PIEZO2: variants seen among roughly 807,000 people sequenced by gnomAD.
PIEZO2 encodes the protein piezo type mechanosensitive ion channel component 2, also known as piezo-type mechanosensitive ion channel component 2.
Under a neutral mutation model 337.3 loss-of-function variants are expected in PIEZO2, and 172 were observed. The observed-to-expected ratio is 0.51, with a 90% CI of 0.45 to 0.58. The LOEUF (loss-of-function observed/expected upper bound fraction) is 0.58, where lower values mean the gene tolerates loss of function less well. PIEZO2 is among the 20% of genes least tolerant of loss of function. PIEZO2 has a pLI of 0.00. For missense variants in PIEZO2, 3,028 were observed against 3,391.3 expected (o/e 0.89, Z 2.66); for synonymous variants, 1,251 against 1,228.5 (o/e 1.02, Z -0.38).
rs2041653322 is a variant in PIEZO2 at position 10,854,710 on chromosome 18, T to G, written c.917+643A>C. Among the ~76,000 whole-genome samples the G allele has an allele frequency of 6.6e-6, 1 of 152,172 alleles. No homozygotes were observed. The highest frequency in any genetic ancestry group is 2.4e-5 in the African/African-American group (1 of 41,436). On this transcript the variant is annotated intron_variant, in intron 7 of 55. Transcript: ENST00000674853. The surrounding 1 kb of genome is among the most constrained non-coding windows in gnomAD (Gnocchi z 4.6). Reference sequence around the variant, plus strand: ...AGACTTATGTATTTTCTTATTTATTTGTTTGTTGGTTTGTTTGCTTTGAGA... The same window carrying G: ...AGACTTATGTATTTTCTTATTTATTGGTTTGTTGGTTTGTTTGCTTTGAGA...
At chr18:10,800,804 T>G (rs750881642) in intron 10 of PIEZO2, among the ~76,000 whole-genome samples, 2 of 152,224 alleles carry the variant, frequency 1.3e-5, no homozygotes, top group Non-Finnish European at 2.9e-5. Flanking sequence ...GTCTGATCTT[T>G]CCAGCCTCAG....
chr18:10,744,302 T>C (rs2037340340), intron 30 of PIEZO2, 71 bp from the exon 31 acceptor site: 3 of 974,396 alleles, frequency 3.1e-6, no homozygotes, highest in Non-Finnish European at 3.1e-6. Context: ...CTGAAAATTA[T>C]TACTAAGGGT....
rs113435531 is a variant in PIEZO2 at position 10,731,564 on chromosome 18, T to C, written c.4915-43A>G. On this transcript the variant is annotated intron_variant, in intron 35 of 55. Coordinates refer to ENST00000674853, the MANE Select transcript of PIEZO2 (RefSeq NM_001378183.1). Reference sequence around the variant, plus strand: ...AATTATTTTCTGGCCTTTTAATAATTTGAAATAAAAGGGACCTACACCAAG... The same window carrying C: ...AATTATTTTCTGGCCTTTTAATAATCTGAAATAAAAGGGACCTACACCAAG... 19 of 1,353,864 alleles carry C rather than the reference T, an allele frequency of 1.4e-5. No individual in the cohort carries two copies. The African/African-American group carries it at 1.5e-4, about 11-fold the overall frequency. 83.9% of individuals were successfully genotyped at this position (1,353,864 alleles called of 1,614,324 possible). A position where few individuals can be genotyped will look rare whatever the true frequency, so the allele number is the denominator to read the frequency against.
At chr18:10,990,358 A>G (rs967218187) in intron 2 of PIEZO2, among the ~76,000 whole-genome samples, 3 of 152,174 alleles carry the variant, frequency 2.0e-5, no homozygotes, top group Non-Finnish European at 4.4e-5. Context: ...GAGTAACTAA[A>G]TAAAATAAGA....
chr18:11,073,342 C>T (rs1409205383), intron 1 of PIEZO2, among the ~76,000 whole-genome samples: 1 of 152,158 alleles, frequency 6.6e-6, no homozygotes, highest in Non-Finnish European at 1.5e-5. Flanking sequence ...TATTGGGGCA[C>T]CACTGCCACA....
chr18:11,079,914 C>G (rs1209174188), intron 1 of PIEZO2, among the ~76,000 whole-genome samples: 1 of 152,156 alleles, frequency 6.6e-6, no homozygotes, highest in African/African-American at 2.4e-5. Flanking sequence ...GGGCATGGAA[C>G]GATGTTCACA....
rs1464910332 is a variant in PIEZO2 at position 10,850,427 on chromosome 18, AC to A, written c.917+4925del. Among the ~76,000 whole-genome samples the A allele has an allele frequency of 6.6e-6, 1 of 152,012 alleles. No homozygotes were observed. Among genetic ancestry groups the A allele is most frequent in the African/African-American group, 2.4e-5 (1 of 41,382 alleles). On this transcript the variant is annotated intron_variant, in intron 7 of 55. Coordinates refer to ENST00000674853, the MANE Select transcript of PIEZO2 (RefSeq NM_001378183.1). This position sits in a 1 kb window ranked among gnomAD's most constrained non-coding sequence, Gnocchi z 4.5. ...TGTGCATCCTCCAGCAGAAGCAAGC[AC>A]CCCCACAGCCCTGCAAAGGCTCTTT... is the stretch of plus-strand genomic sequence containing the variant.
At position 11,042,773 on chromosome 18, in the gene PIEZO2, C is replaced by A. The variant is rs567082222; in HGVS notation, c.160+23354G>T. The stretch of plus-strand genomic sequence containing the variant: ...CCTTTGGGGGGCAGGAAAAGAAATG[C>A]CAGAAATAAAATCCATAGCACATTA... On this transcript the variant is annotated intron_variant, in intron 2 of 55. Coordinates refer to ENST00000674853, the MANE Select transcript of PIEZO2 (RefSeq NM_001378183.1). Among the ~76,000 whole-genome samples the A allele has an allele frequency of 4.7e-4, 72 of 152,158 alleles. 1 individual carries two copies. In the South Asian group the frequency reaches 0.015, roughly 31 times the overall value.
At chr18:10,714,552 G>C (rs1469323830) in intron 39 of PIEZO2, among the ~76,000 whole-genome samples, 1 of 152,086 alleles carries the variant, frequency 6.6e-6, no homozygotes, top group African/African-American at 2.4e-5. Flanking sequence ...ATAGCTAATA[G>C]TGTCTTATTG....
At chr18:10,849,114 C>A (rs1360392083) in intron 7 of PIEZO2, among the ~76,000 whole-genome samples, 1 of 152,174 alleles carries the variant, frequency 6.6e-6, no homozygotes, top group Non-Finnish European at 1.5e-5. Flanking sequence ...CTCCTGGATT[C>A]AAGCAAATCT....
chr18:10,995,202 T>A (rs2035276131), intron 2 of PIEZO2, among the ~76,000 whole-genome samples: 1 of 152,190 alleles, frequency 6.6e-6, no homozygotes, highest in African/African-American at 2.4e-5. Context: ...ATTGTGATTT[T>A]GATTTGCATT....
Position 10,670,734 on chromosome 18 carries a change from T to G in PIEZO2, c.*793A>C, listed in dbSNP as rs1339319868. The G allele has an allele frequency of 6.6e-6, 1 of 152,622 alleles. No homozygotes were observed. Among genetic ancestry groups the G allele is most frequent in the Non-Finnish European group, 1.5e-5 (1 of 68,042 alleles). The allele number at this position is 152,622 out of a possible 1,614,324, so 9.5% of individuals were successfully genotyped here. On this transcript the variant is annotated 3_prime_UTR_variant, in exon 56 of 56. Coordinates refer to ENST00000674853, the MANE Select transcript of PIEZO2 (RefSeq NM_001378183.1). ...GGTCCCACTGGGTTGGTCTTTTTAC[T>G]CTTCTGCCTCATGTCTGTTTGCACA...
chr18:11,057,336 G>T (rs185192886), intron 2 of PIEZO2, among the ~76,000 whole-genome samples: 2 of 152,230 alleles, frequency 1.3e-5, no homozygotes, highest in Admixed American at 1.3e-4. Flanking sequence ...ATTCCTGATT[G>T]CTAGTTGGGG....
rs572112327 is a variant in PIEZO2 at position 11,032,763 on chromosome 18, G to A, written c.160+33364C>T. Among the ~76,000 whole-genome samples, 89 of 152,284 alleles carry A rather than the reference G, an allele frequency of 5.8e-4. No individual in the cohort carries two copies. The highest frequency in any genetic ancestry group is 2.0e-3 in the African/African-American group (85 of 41,556). On this transcript the variant is annotated intron_variant, in intron 2 of 55. Coordinates refer to ENST00000674853, the MANE Select transcript of PIEZO2 (RefSeq NM_001378183.1). The surrounding 1 kb of genome is among the most constrained non-coding windows in gnomAD (Gnocchi z 4.9). ...CAGATGTAGAGTTTTCTAGACAAAG[G>A]ACATGTTTCCCAACAACTGCCCTTA... is the stretch of plus-strand genomic sequence containing the variant.
At chr18:10,745,568 T>A (rs1273728538) in intron 30 of PIEZO2, among the ~76,000 whole-genome samples, 1 of 152,188 alleles carries the variant, frequency 6.6e-6, no homozygotes, top group Non-Finnish European at 1.5e-5. Context: ...ACCTATGTGA[T>A]GGACTTCCAC....
chr18:10,998,861 CAAA>C lies in PIEZO2; in HGVS notation c.161-19204_161-19202del, dbSNP rs10544415. On this transcript the variant is annotated intron_variant, in intron 2 of 55. Coordinates refer to ENST00000674853, the MANE Select transcript of PIEZO2 (RefSeq NM_001378183.1). The stretch of plus-strand genomic sequence containing the variant: ...TTCTGATATATTTTCTCAAATACAG[CAAA>C]AAAAAAAAAAAAAAAGAAAGATTGT... 2.4e-3 allele frequency among the ~76,000 whole-genome samples: 283 copies of C among 118,792 alleles called. 3 individuals are homozygous for C. The highest frequency in any genetic ancestry group is 0.019 in the East Asian group (69 of 3,696). The allele number at this position is 118,792 out of a possible 152,430, so 77.9% of individuals were successfully genotyped here. A position where few individuals can be genotyped will look rare whatever the true frequency, so the allele number is the denominator to read the frequency against.
intron 2 of PIEZO2, among the ~76,000 whole-genome samples, chr18:11,054,107 G>A (rs967139258): frequency 6.6e-6 from 1 of 152,204 alleles, no homozygotes; most frequent in African/African-American, 2.4e-5. Flanking sequence ...TTATACATTA[G>A]TTAATAAATT....
At chr18:10,897,417 G>A (rs1165964275) in intron 4 of PIEZO2, among the ~76,000 whole-genome samples, 1 of 152,130 alleles carries the variant, frequency 6.6e-6, no homozygotes, top group African/African-American at 2.4e-5. Context: ...TCAAACTCCT[G>A]ACTTCAGGTG....
At chr18:10,884,874 C>T (rs894498712) in intron 4 of PIEZO2, among the ~76,000 whole-genome samples, 4 of 152,050 alleles carry the variant, frequency 2.6e-5, no homozygotes, top group African/African-American at 9.7e-5. Flanking sequence ...TAGAAGATAA[C>T]AAGGAAGAGC....
Sources: gnomAD v4.1 joint callset for allele counts (sites outside exome capture counted in the v4.1 genomes callset) on GRCh38, gnomAD v4.1.1 for gene constraint, Gnocchi (gnomAD v3.1) non-coding constraint, MANE v1.5 for transcripts, NCBI Gene and HGNC (gene_info 2026-07-23, HGNC 2026-07-21) for gene names.